Variants in SULF2 observed in about 807,000 individuals in gnomAD.
The protein encoded by SULF2 is sulfatase 2, also known as extracellular sulfatase Sulf-2.
In SULF2, 52 loss-of-function variants were observed where a neutral mutation model predicts 107.7. That is an observed-to-expected ratio of 0.48 (90% CI 0.39 to 0.61). The LOEUF is 0.61. SULF2 is among the 20% of genes least tolerant of loss of function. The pLI is 0.00. For synonymous variants in SULF2, 460 were observed against 464.3 expected, an observed-to-expected ratio of 0.99 and a Z score of 0.12; for missense variants, 993 against 1,177.3, an observed-to-expected ratio of 0.84 and a Z score of 2.29.
At chr20:47,663,702 A>C in intron 15 of SULF2, 80 bp from the exon 16 acceptor site, 2 of 1,464,034 alleles carry the variant, frequency 1.4e-6, no homozygotes, top group Non-Finnish European at 1.8e-6. Flanking sequence ...CTGTCCACCT[A>C]AGGGCTTCGC....
Position 47,694,678 on chromosome 20 carries a change from G to A in SULF2, c.568-4383C>T, listed in dbSNP as rs1169922832. The stretch of plus-strand genomic sequence containing the variant: ...CAGGCATCCACAAGCTTCACCGACT[G>A]AGTAGCTAGTGTCTGCGGAGACTGC... On this transcript the variant is annotated intron_variant, in intron 4 of 20. Coordinates refer to ENST00000688720, the MANE Select transcript of SULF2 (RefSeq NM_001387048.1). The surrounding 1 kb of genome is among the most constrained non-coding windows in gnomAD (Gnocchi z 4.4). Among the ~76,000 whole-genome samples the A allele has an allele frequency of 6.6e-6, 1 of 152,198 alleles. No individual in the cohort carries two copies. The highest frequency in any genetic ancestry group is 1.5e-5 in the Non-Finnish European group (1 of 68,040).
At chr20:47,784,485 T>C (rs2090886645) in intron 1 of SULF2, among the ~76,000 whole-genome samples, 1 of 150,610 alleles carries the variant, frequency 6.6e-6, no homozygotes. Context: ...GGTGGGGGAG[T>C]TGCGGACCGA....
At chr20:47,712,321 G>A (rs922737027) in intron 3 of SULF2, among the ~76,000 whole-genome samples, 3 of 152,160 alleles carry the variant, frequency 2.0e-5, no homozygotes, top group African/African-American at 7.2e-5. Context: ...ACCCCACCGA[G>A]CATTGGCACC....
At chr20:47,746,181 G>A in intron 2 of SULF2, among the ~76,000 whole-genome samples, 1 of 152,198 alleles carries the variant, frequency 6.6e-6, no homozygotes, top group Admixed American at 6.5e-5. Context: ...ACCCTTAGCT[G>A]ATTCAATTCC....
intron 2 of SULF2, among the ~76,000 whole-genome samples, chr20:47,755,498 G>A (rs1174571801): frequency 3.9e-5 from 6 of 152,000 alleles, no homozygotes; most frequent in Admixed American, 6.6e-5. Flanking sequence ...CTGTTGATTC[G>A]GGCCCCAAAT....
intron 20 of SULF2, 134 bp from the exon 21 acceptor site, chr20:47,658,526 G>A: frequency 1.0e-6 from 1 of 967,146 alleles, no homozygotes; most frequent in Non-Finnish European, 1.6e-6. Context: ...ACTTAGAACG[G>A]GATTGCCACC....
chr20:47,679,007 C>A (rs1447539561), intron 7 of SULF2, among the ~76,000 whole-genome samples: 2 of 145,386 alleles, frequency 1.4e-5, no homozygotes, highest in Non-Finnish European at 1.5e-5. Context: ...GCTCGCCCCC[C>A]CTTAGTTTCT....
chr20:47,765,488 G>A (rs181742891), intron 1 of SULF2, among the ~76,000 whole-genome samples: 38 of 152,156 alleles, frequency 2.5e-4, no homozygotes, highest in Admixed American at 2.3e-3. Context: ...ACACTCATGA[G>A]AGGAGGGAAG....
intron 3 of SULF2, among the ~76,000 whole-genome samples, chr20:47,732,089 T>C (rs890689937): frequency 3.9e-5 from 6 of 152,096 alleles, no homozygotes; most frequent in African/African-American, 1.5e-4. Flanking sequence ...TGAGAAGGGA[T>C]CTCACTATTT....
chr20:47,658,427 C>T (rs1003461768), intron 20 of SULF2, 35 bp from the exon 21 acceptor site: 5 of 1,610,494 alleles, frequency 3.1e-6, no homozygotes, highest in Non-Finnish European at 4.2e-6. Flanking sequence ...TAGCACTTAG[C>T]TATCATGGTC....
intron 3 of SULF2, among the ~76,000 whole-genome samples, chr20:47,725,769 A>G (rs1399586449): frequency 2.0e-5 from 3 of 152,082 alleles, no homozygotes; most frequent in African/African-American, 7.2e-5. Flanking sequence ...CCCTCTATGC[A>G]TTTGGAGCCC....
In SULF2 at chr20:47,678,651, A is replaced by C; in HGVS notation, c.1193+25T>G. On this transcript the variant is annotated intron_variant, in intron 8 of 20. Coordinates refer to ENST00000688720, the MANE Select transcript of SULF2 (RefSeq NM_001387048.1). This position sits in a 1 kb window ranked among gnomAD's most constrained non-coding sequence, Gnocchi z 4.5. ...CGCAGGTCAATGTCCCGGCCCCCTCAACACCTGCCCTGCTCCGTCCTCACC... is the reference window on the plus strand; with the variant it reads ...CGCAGGTCAATGTCCCGGCCCCCTCCACACCTGCCCTGCTCCGTCCTCACC... 6.2e-7 allele frequency: 1 copy of C among 1,612,562 alleles called. No homozygotes were observed. The highest frequency in any genetic ancestry group is 1.3e-5 in the African/African-American group (1 of 74,958).
intron 11 of SULF2, among the ~76,000 whole-genome samples, chr20:47,671,064 T>C (rs2087453777): frequency 6.6e-6 from 1 of 152,108 alleles, no homozygotes. Flanking sequence ...CAGGGACCAT[T>C]CTTCCTGTTT....
rs760782481 is a variant in SULF2 at position 47,663,470 on chromosome 20, G to T, written c.2210C>A (p.Thr737Lys). The change falls in exon 16 of 21, where the codon ACG (threonine) becomes AAG (lysine). Residue 737 changes from threonine to lysine, a missense_variant. Thr to Lys is a moderately conservative substitution (Grantham distance 78). Coordinates refer to ENST00000688720, the MANE Select transcript of SULF2 (RefSeq NM_001387048.1). ...TTGCTCACGTGTCCAGAAAGGCGCC[G>T]TCTGCCAGTGCTGGTTGTCGTGGGT... ...CFTHDNQHWQTAPFWTLGPFC... is the reference protein window; with the variant it reads ...CFTHDNQHWQKAPFWTLGPFC... 2 of 1,609,670 alleles carry T rather than the reference G, an allele frequency of 1.2e-6. No homozygotes were observed. The highest frequency in any genetic ancestry group is 8.5e-7 in the Non-Finnish European group (1 of 1,180,018).
intron 3 of SULF2, among the ~76,000 whole-genome samples, chr20:47,732,059 TA>T (rs2089626131): frequency 6.7e-6 from 1 of 148,890 alleles, no homozygotes; most frequent in Non-Finnish European, 1.5e-5. Context: ...AACTTTTTTT[TA>T]TTACTGTTTT....
At chr20:47,774,165 C>T (rs77028867) in intron 1 of SULF2, among the ~76,000 whole-genome samples, 10 of 152,360 alleles carry the variant, frequency 6.6e-5, no homozygotes, top group East Asian at 3.9e-4. Flanking sequence ...GCCTTTGGAA[C>T]GACAGGTCGG....
At chr20:47,757,080 A>C in intron 2 of SULF2, 109 bp downstream of exon 2, 9 of 1,064,452 alleles carry the variant, frequency 8.5e-6, no homozygotes, top group Non-Finnish European at 1.2e-5. Context: ...AATGTACTCA[A>C]AAGTGAGCAC....
intron 4 of SULF2, among the ~76,000 whole-genome samples, chr20:47,697,083 C>A (rs865820641): frequency 6.6e-6 from 1 of 152,334 alleles, no homozygotes; most frequent in Admixed American, 6.5e-5. Context: ...CTGCCATCAC[C>A]TCCCTGCAGA....
In SULF2 at chr20:47,678,650, C is replaced by T; in HGVS notation, c.1193+26G>A. 1 of 1,612,706 alleles carries T rather than the reference C, an allele frequency of 6.2e-7. No homozygotes were observed. The highest frequency in any genetic ancestry group is 1.3e-5 in the African/African-American group (1 of 75,014). On this transcript the variant is annotated intron_variant, in intron 8 of 20. Transcript: ENST00000688720. This position sits in a 1 kb window ranked among gnomAD's most constrained non-coding sequence, Gnocchi z 4.5. ...CCGCAGGTCAATGTCCCGGCCCCCT[C>T]AACACCTGCCCTGCTCCGTCCTCAC... is the stretch of plus-strand genomic sequence containing the variant.
Sources: allele counts gnomAD v4.1 joint callset (sites outside exome capture counted in the v4.1 genomes callset), GRCh38; gene constraint gnomAD v4.1.1; non-coding constraint Gnocchi (gnomAD v3.1); transcripts MANE v1.5; gene names NCBI Gene and HGNC (gene_info 2026-07-23, HGNC 2026-07-21).